EHMT2: variants seen among roughly 807,000 people sequenced by gnomAD.
EHMT2 encodes the protein euchromatic histone lysine methyltransferase 2, also known as histone-lysine N-methyltransferase EHMT2.
EHMT2 carries 59 observed loss-of-function variants against 143.3 expected under a neutral mutation model. That is an observed-to-expected ratio of 0.41 (90% CI 0.33 to 0.51). The LOEUF is 0.51. Among genes scored for constraint, EHMT2 ranks in the 20% least tolerant of loss-of-function variants. The pLI is 0.18. For missense variants in EHMT2, 1,174 were observed against 1,645.9 expected (o/e 0.71, Z 4.96); for synonymous variants, 604 against 651.5 (o/e 0.93, Z 1.11).
At chr6:31,891,498 C>CT (rs1211120438) in intron 7 of EHMT2, among the ~76,000 whole-genome samples, 2 of 152,034 alleles carry the variant, frequency 1.3e-5, no homozygotes, top group Non-Finnish European at 2.9e-5. Flanking sequence ...TTAAAATAAC[C>CT]TAGTAGGTGT....
At position 31,888,740 on chromosome 6, in the gene EHMT2, G is replaced by A; in HGVS notation, c.1224C>T (p.Ser408=). ...CTGTCTCCAGCGAAGATGTGTCATTGGACACCCCTTGGATGGAGGAAAAGA... is the reference window on the plus strand; with the variant it reads ...CTGTCTCCAGCGAAGATGTGTCATTAGACACCCCTTGGATGGAGGAAAAGA... Residue 408 remains serine (S), a synonymous_variant, in exon 11 of 28, where the codon TCC becomes TCT. Transcript: ENST00000375537. This position sits in a 1 kb window ranked among gnomAD's most constrained non-coding sequence, Gnocchi z 7.4. 1 of 1,613,076 alleles carries A rather than the reference G, an allele frequency of 6.2e-7. No individual in the cohort carries two copies. Among genetic ancestry groups the A allele is most frequent in the East Asian group, 2.2e-5 (1 of 44,870 alleles).
Position 31,883,534 on chromosome 6 carries a change from T to G in EHMT2, c.2917-95A>C. The G allele has an allele frequency of 7.7e-7, 1 of 1,301,952 alleles. No individual in the cohort carries two copies. Among genetic ancestry groups the G allele is most frequent in the Non-Finnish European group, 1.1e-6 (1 of 919,902 alleles). 80.6% of individuals were successfully genotyped at this position (1,301,952 alleles called of 1,614,324 possible). A position where few individuals can be genotyped will look rare whatever the true frequency, so the allele number is the denominator to read the frequency against. On this transcript the variant is annotated intron_variant, in intron 22 of 27. Transcript: ENST00000375537. This position sits in a 1 kb window ranked among gnomAD's most constrained non-coding sequence, Gnocchi z 5.6. ...TGACCCCCTAACCACTGTCCTTTCT[T>G]TGGGGTCCATGTGTTACAACAGTGG...
In EHMT2 at chr6:31,883,093, C is replaced by T. The variant is rs547060062; in HGVS notation, c.2995-84G>A. The T allele has an allele frequency of 1.5e-6, 2 of 1,303,614 alleles. No homozygotes were observed. The highest frequency in any genetic ancestry group is 1.5e-5 in the African/African-American group (1 of 68,558). The allele number at this position is 1,303,614 out of a possible 1,614,324, so 80.8% of individuals were successfully genotyped here. The stretch of plus-strand genomic sequence containing the variant: ...CAGGAACCCCAAGACTCTACAGAGA[C>T]AGGGAAGTTGGGGTTGGGGAGGTCA... On this transcript the variant is annotated intron_variant, in intron 23 of 27. Coordinates refer to ENST00000375537, the Ensembl canonical transcript of EHMT2. This position sits in a 1 kb window ranked among gnomAD's most constrained non-coding sequence, Gnocchi z 5.6.
chr6:31,882,516 G>A (rs1764238480), intron 25 of EHMT2, among the ~76,000 whole-genome samples, 183 bp downstream of exon 25: 1 of 152,192 alleles, frequency 6.6e-6, no homozygotes, highest in Non-Finnish European at 1.5e-5. Context: ...CAGCTGGGGG[G>A]ATGGGGGTCA....
Position 31,880,363 on chromosome 6 carries a change from C to G in EHMT2, c.3453-99G>C. 7.4e-7 allele frequency: 1 copy of G among 1,345,322 alleles called. No homozygotes were observed. The highest frequency in any genetic ancestry group is 1.0e-6 in the Non-Finnish European group (1 of 978,796). The allele number at this position is 1,345,322 out of a possible 1,614,324, so 83.3% of individuals were successfully genotyped here. A position where few individuals can be genotyped will look rare whatever the true frequency, so the allele number is the denominator to read the frequency against. On this transcript the variant is annotated intron_variant, in intron 27 of 27. Coordinates refer to ENST00000375537, the Ensembl canonical transcript of EHMT2. The surrounding 1 kb of genome is among the most constrained non-coding windows in gnomAD (Gnocchi z 6.6). ...CCTGCTCCCTGAGAGGGACCCGACACCCAACCTATCTTCTCCAGATGGGAT... is the reference window on the plus strand; with the variant it reads ...CCTGCTCCCTGAGAGGGACCCGACAGCCAACCTATCTTCTCCAGATGGGAT...
Position 31,881,151 on chromosome 6 carries a change from A to G in EHMT2, c.3198-59T>C. Reference sequence around the variant, plus strand: ...GTGTGGGCTATTAGGAGGTGGCTCCAGGCCCCATCTCTCTTCACAAGCCTG... The same window carrying G: ...GTGTGGGCTATTAGGAGGTGGCTCCGGGCCCCATCTCTCTTCACAAGCCTG... On this transcript the variant is annotated intron_variant, in intron 25 of 27. Coordinates refer to ENST00000375537, the Ensembl canonical transcript of EHMT2. This position sits in a 1 kb window ranked among gnomAD's most constrained non-coding sequence, Gnocchi z 4.8. 7.0e-7 allele frequency: 1 copy of G among 1,432,042 alleles called. No homozygotes were observed. Among genetic ancestry groups the G allele is most frequent in the Non-Finnish European group, 9.8e-7 (1 of 1,017,168 alleles). The allele number at this position is 1,432,042 out of a possible 1,614,324, so 88.7% of individuals were successfully genotyped here. A position where few individuals can be genotyped will look rare whatever the true frequency, so the allele number is the denominator to read the frequency against.
chr6:31,882,639 A>AG, intron 25 of EHMT2, 60 bp downstream of exon 25: 1 of 1,502,346 alleles, frequency 6.7e-7, no homozygotes, highest in Non-Finnish European at 9.2e-7. Context: ...GAGGCCTGGC[A>AG]GTCAGCAGTG....
chr6:31,890,317 T>G (rs1045671991), intron 7 of EHMT2, among the ~76,000 whole-genome samples: 1 of 152,114 alleles, frequency 6.6e-6, no homozygotes. Flanking sequence ...ATTGCAATGG[T>G]GTGATCTCAG....
In EHMT2 at chr6:31,883,692, C is replaced by G. The variant is rs2844458; in HGVS notation, c.2916+114G>C. ...GTGGGGATGCGACCCCACACCAGGG[C>G]TCCCTTTCAGCCAACCCTTCCTTGG... On this transcript the variant is annotated intron_variant, in intron 22 of 27. Transcript: ENST00000375537. The surrounding 1 kb of genome is among the most constrained non-coding windows in gnomAD (Gnocchi z 5.6). The G allele has an allele frequency of 7.0e-7, 1 of 1,430,772 alleles. No homozygotes were observed. Among genetic ancestry groups the G allele is most frequent in the African/African-American group, 1.4e-5 (1 of 70,706 alleles). The allele number at this position is 1,430,772 out of a possible 1,614,324, so 88.6% of individuals were successfully genotyped here.
At chr6:31,890,152 G>GCAGAGAGGATGTGT (rs1012053308) in intron 7 of EHMT2, among the ~76,000 whole-genome samples, 6 of 152,192 alleles carry the variant, frequency 3.9e-5, no homozygotes, top group African/African-American at 1.2e-4. Context: ...AGAAATATGG[G>GCAGAGAGGATGTGT]CAGAGAGGAT....
In EHMT2 at chr6:31,881,869, C is replaced by T. The variant is rs759456843; in HGVS notation, c.3198-777G>A. Among the ~76,000 whole-genome samples the T allele has an allele frequency of 3.0e-4, 46 of 152,012 alleles. No homozygotes were observed. The highest frequency in any genetic ancestry group is 6.0e-4 in the Non-Finnish European group (41 of 67,990). On this transcript the variant is annotated intron_variant, in intron 25 of 27. Coordinates refer to ENST00000375537, the Ensembl canonical transcript of EHMT2. This position sits in a 1 kb window ranked among gnomAD's most constrained non-coding sequence, Gnocchi z 4.8. The stretch of plus-strand genomic sequence containing the variant: ...CTGTAATCCCAGCACTTTGGGAGGC[C>T]GAGGTGGGCGGATCATCTGAGGTCA...
In EHMT2 at chr6:31,884,833, G is replaced by A. The variant is rs978216319; in HGVS notation, c.2449-34C>T. ...GTAGGAGGGGAACAGATGAGGTGCA[G>A]GCAGCTGGGCCCTTGAATCCAGCCT... On this transcript the variant is annotated intron_variant, in intron 19 of 27. Coordinates refer to ENST00000375537, the Ensembl canonical transcript of EHMT2. The surrounding 1 kb of genome is among the most constrained non-coding windows in gnomAD (Gnocchi z 7.3). 1.9e-6 allele frequency: 3 copies of A among 1,579,894 alleles called. No individual in the cohort carries two copies. The Middle Eastern group carries it at 5.1e-4, about 267-fold the overall frequency.
intron 4 of EHMT2, chr6:31,893,469 C>A (rs1367754762): frequency 2.6e-6 from 1 of 386,944 alleles, no homozygotes; most frequent in Non-Finnish European, 5.2e-6. Flanking sequence ...AGGCACATGT[C>A]ACAATGCCTA....
In EHMT2 at chr6:31,880,116, C is replaced by G. The variant is rs755793502; in HGVS notation, c.3601G>C (p.Glu1201Gln). The stretch of plus-strand genomic sequence containing the variant: ...TTGACAGGGGGCAGGGAGCCGAGCT[C>G]GGGCAGCAGCTCAGGGTGTGGGTCC... Residue 1201 changes from glutamate (E) to glutamine (Q), a missense_variant, in exon 28 of 28, where the codon GAG (glutamate) becomes CAG (glutamine). Glu to Gln is a conservative substitution (Grantham distance 29, BLOSUM62 2). This residue lies in a region of EHMT2 where 42 missense variants were observed against 45.1 expected (regional missense o/e 0.93). Transcript: ENST00000375537. The surrounding 1 kb of genome is among the most constrained non-coding windows in gnomAD (Gnocchi z 6.6). 6.2e-7 allele frequency: 1 copy of G among 1,612,804 alleles called. No individual in the cohort carries two copies. The highest frequency in any genetic ancestry group is 8.5e-7 in the Non-Finnish European group (1 of 1,179,986).
In EHMT2 at chr6:31,880,726, A is replaced by G; in HGVS notation, c.3399T>C (p.Phe1133=). Residue 1133 remains phenylalanine (F), a synonymous_variant, in exon 27 of 28, where the codon TTT becomes TTC. Transcript: ENST00000375537. This position sits in a 1 kb window ranked among gnomAD's most constrained non-coding sequence, Gnocchi z 6.6. Reference sequence around the variant, plus strand: ...GGGAACTGAAGAAGGCGATGCGTGGAAATCGCAGGTCTTGGTGCAGCATGA... The same window carrying G: ...GGGAACTGAAGAAGGCGATGCGTGGGAATCGCAGGTCTTGGTGCAGCATGA... 1 of 1,613,936 alleles carries G rather than the reference A, an allele frequency of 6.2e-7. No individual in the cohort carries two copies. Among genetic ancestry groups the G allele is most frequent in the Non-Finnish European group, 8.5e-7 (1 of 1,180,024 alleles).
At chr6:31,887,438 A>G in intron 15 of EHMT2, 139 bp downstream of exon 15, 2 of 738,554 alleles carry the variant, frequency 2.7e-6, no homozygotes, top group Admixed American at 2.3e-5. Context: ...TATGGGTTAC[A>G]TGTGTCTTTT....
At chr6:31,897,068 A>C (rs1217590023) in intron 1 of EHMT2, 79 bp from the exon 2 acceptor site, 2 of 1,499,532 alleles carry the variant, frequency 1.3e-6, no homozygotes, top group Non-Finnish European at 1.8e-6. Context: ...GGGCCCTGGG[A>C]AGAGAGAGTA....
At chr6:31,890,728 G>A (rs59152905) in intron 7 of EHMT2, among the ~76,000 whole-genome samples, 15 of 150,116 alleles carry the variant, frequency 1.0e-4, no homozygotes, top group Non-Finnish European at 2.1e-4. Flanking sequence ...AGCTGGGCAT[G>A]GTGGTGGGTG....
In EHMT2 at chr6:31,883,855, TTC is replaced by T; in HGVS notation, c.2865_2866del (p.Asn956LeufsTer26). ...GATGTTCATGGTGGACGTCTCGCAG[TTC>T]TCTGAGATGTACTTGTAATCCTCAG... On this transcript the variant is annotated frameshift_variant, in exon 22 of 28. Coordinates refer to ENST00000375537, the Ensembl canonical transcript of EHMT2. LOFTEE classifies it high-confidence loss of function. This position sits in a 1 kb window ranked among gnomAD's most constrained non-coding sequence, Gnocchi z 5.6. 1 of 1,614,000 alleles carries T rather than the reference TTC, an allele frequency of 6.2e-7. No homozygotes were observed. Among genetic ancestry groups the T allele is most frequent in the Non-Finnish European group, 8.5e-7 (1 of 1,179,968 alleles).
Sources: gnomAD v4.1 joint callset for allele counts (sites outside exome capture counted in the v4.1 genomes callset) on GRCh38, gnomAD v4.1.1 for gene constraint, gnomAD v4.1.1 regional missense constraint, Gnocchi (gnomAD v3.1) non-coding constraint, MANE v1.5 for transcripts, NCBI Gene and HGNC (gene_info 2026-07-23, HGNC 2026-07-21) for gene names.